Variants in MYO16 observed in about 807,000 individuals in gnomAD.
MYO16 encodes the protein unconventional myosin-XVI.
MYO16 carries 94 observed loss-of-function variants against 205.3 expected under a neutral mutation model. The observed-to-expected ratio is 0.46, with a 90% CI of 0.39 to 0.54. The LOEUF (loss-of-function observed/expected upper bound fraction) is 0.54. Among genes scored for constraint, MYO16 ranks in the 20% least tolerant of loss-of-function variants. The pLI is 0.00. For missense variants in MYO16, 2,315 were observed against 2,387.5 expected (o/e 0.97, Z 0.63); for synonymous variants, 988 against 954.0 (o/e 1.04, Z -0.66).
intron 1 of MYO16, among the ~76,000 whole-genome samples, chr13:108,601,790 TGACCTTTATG>T (rs1878772912): frequency 6.6e-6 from 1 of 152,116 alleles, no homozygotes; most frequent in Non-Finnish European, 1.5e-5. Context: ...TTTGGTTATG[TGACCTTTATG>T]TTATCCTGAG....
the MYO16 span, among the ~76,000 whole-genome samples, chr13:108,545,676 C>A: frequency 1.3e-5 from 2 of 151,926 alleles, no homozygotes; most frequent in Non-Finnish European, 2.9e-5. Flanking sequence ...TTTTTTTTTA[C>A]TTTTTAATAA....
At position 109,140,324 on chromosome 13, in the gene MYO16, G is replaced by T. The variant is rs754619411; in HGVS notation, c.4112G>T (p.Arg1371Leu). ...AGCACCATGAAGAAGATTCCTCCTC[G>T]AAAGCCCAAGCGCAGCCCCAACACC... ...DYSTMKKIPP[R>L]KPKRSPNTKL... The change falls in exon 32 of 35, where the codon CGA becomes CTA. Residue 1371 changes from arginine to leucine, a missense_variant. Arg to Leu is a moderately radical substitution (Grantham distance 102). Coordinates refer to ENST00000457511, the MANE Select transcript of MYO16 (RefSeq NM_001198950.3). This position sits in a 1 kb window ranked among gnomAD's most constrained non-coding sequence, Gnocchi z 8.0. 1.2e-6 allele frequency: 2 copies of T among 1,602,940 alleles called. No individual in the cohort carries two copies. Among genetic ancestry groups the T allele is most frequent in the Non-Finnish European group, 1.7e-6 (2 of 1,179,378 alleles).
At chr13:109,088,585 G>A (rs1178295228) in intron 27 of MYO16, among the ~76,000 whole-genome samples, 1 of 152,170 alleles carries the variant, frequency 6.6e-6, no homozygotes, top group Non-Finnish European at 1.5e-5. Flanking sequence ...ATATTGTCTG[G>A]GAGGAGAGAC....
At chr13:108,581,319 C>A in the MYO16 span, among the ~76,000 whole-genome samples, 1 of 152,044 alleles carries the variant, frequency 6.6e-6, no homozygotes, top group Non-Finnish European at 1.5e-5. Flanking sequence ...AGGTGGAAAT[C>A]GTTTTTGACT....
At chr13:108,517,435 G>C in the MYO16 span, among the ~76,000 whole-genome samples, 1 of 152,156 alleles carries the variant, frequency 6.6e-6, no homozygotes, top group South Asian at 2.1e-4. Flanking sequence ...AGGGAGAGTT[G>C]TACGCCCTGC....
chr13:108,690,024 T>C (rs923555480), intron 2 of MYO16, among the ~76,000 whole-genome samples: 5 of 152,190 alleles, frequency 3.3e-5, no homozygotes, highest in Non-Finnish European at 5.9e-5. Flanking sequence ...CTTTTCCCAC[T>C]TATTGTATAA....
At chr13:108,959,383 C>T (rs1018829010) in intron 17 of MYO16, among the ~76,000 whole-genome samples, 13 of 152,136 alleles carry the variant, frequency 8.5e-5, no homozygotes, top group Admixed American at 7.9e-4. Context: ...GGATAGAAAC[C>T]ATTCTGCCAA....
the MYO16 span, among the ~76,000 whole-genome samples, chr13:108,549,790 C>T: frequency 6.6e-6 from 1 of 152,106 alleles, no homozygotes; most frequent in African/African-American, 2.4e-5. Context: ...CCCAGCTCCT[C>T]CTGCACTAGA....
chr13:109,163,944 G>C (rs924207965), intron 32 of MYO16: 1 of 152,188 alleles, frequency 6.6e-6, no homozygotes, highest in Non-Finnish European at 1.5e-5. Context: ...CTTTAGAAAA[G>C]CCTAACTTTA....
At position 108,605,637 on chromosome 13, in the gene MYO16, T is replaced by C. The variant is rs528668080; in HGVS notation, c.-39+9398T>C. Among the ~76,000 whole-genome samples the C allele has an allele frequency of 5.2e-4, 79 of 152,310 alleles. 1 individual carries two copies. Among genetic ancestry groups the C allele is most frequent in the African/African-American group, 1.6e-3 (67 of 41,570 alleles). ...GACTTGTTTGCTTCCCCTTCTGCCA[T>C]GATGGTAAGTTTCCTGAGGCCTCCC... On this transcript the variant is annotated intron_variant, in intron 1 of 24. Transcript: ENST00000251041.
the MYO16 span, among the ~76,000 whole-genome samples, chr13:108,572,600 A>G: frequency 6.6e-6 from 1 of 152,158 alleles, no homozygotes; most frequent in Non-Finnish European, 1.5e-5. Flanking sequence ...TTTTGCAGCC[A>G]TAACTGTTGC....
At chr13:108,880,853 C>T (rs1879579625) in intron 12 of MYO16, among the ~76,000 whole-genome samples, 1 of 152,124 alleles carries the variant, frequency 6.6e-6, no homozygotes, top group Non-Finnish European at 1.5e-5. Context: ...TAGGCTCTTT[C>T]TTGGTTCCAT....
chr13:108,614,611 G>T (rs1879286069), intron 1 of MYO16, among the ~76,000 whole-genome samples: 1 of 152,026 alleles, frequency 6.6e-6, no homozygotes, highest in Non-Finnish European at 1.5e-5. Context: ...ATGTGATACT[G>T]GCATAAGGCT....
At chr13:108,554,224 T>C in the MYO16 span, among the ~76,000 whole-genome samples, 2 of 150,356 alleles carry the variant, frequency 1.3e-5, no homozygotes, top group Non-Finnish European at 3.0e-5. Flanking sequence ...GTCTGAATTC[T>C]GTGTTGCTCT....
chr13:108,741,938 T>C (rs553742956), intron 4 of MYO16, among the ~76,000 whole-genome samples: 1 of 152,312 alleles, frequency 6.6e-6, no homozygotes, highest in East Asian at 1.9e-4. Flanking sequence ...ATTATCTCAC[T>C]GGGTATGAAG....
At chr13:108,608,824 A>T (rs1311516745) in intron 1 of MYO16, among the ~76,000 whole-genome samples, 1 of 152,054 alleles carries the variant, frequency 6.6e-6, no homozygotes, top group Non-Finnish European at 1.5e-5. Context: ...TTGTGTTTTT[A>T]GTAAAGACAG....
intron 15 of MYO16, among the ~76,000 whole-genome samples, chr13:108,903,206 C>A (rs1880791535): frequency 6.6e-6 from 1 of 152,158 alleles, no homozygotes; most frequent in African/African-American, 2.4e-5. Flanking sequence ...TTGCTAAGAT[C>A]CATGGTAGGA....
chr13:108,785,099 A>G (rs1886418343), intron 4 of MYO16, among the ~76,000 whole-genome samples: 1 of 152,182 alleles, frequency 6.6e-6, no homozygotes, highest in East Asian at 1.9e-4. Flanking sequence ...AGTTGCTGGA[A>G]AGAGAAAAAT....
chr13:109,065,465 A>G (rs1010973815), intron 27 of MYO16: 10 of 409,882 alleles, frequency 2.4e-5, no homozygotes, highest in Non-Finnish European at 3.7e-5. Flanking sequence ...TGAATAATAT[A>G]AAACCATTTA....
Sources: gnomAD v4.1 joint callset for allele counts (sites outside exome capture counted in the v4.1 genomes callset) on GRCh38, gnomAD v4.1.1 for gene constraint, Gnocchi (gnomAD v3.1) non-coding constraint, MANE v1.5 for transcripts, NCBI Gene and HGNC (gene_info 2026-07-23, HGNC 2026-07-21) for gene names.